PXDNL: variants seen among roughly 807,000 people sequenced by gnomAD.
PXDNL encodes the protein probable oxidoreductase PXDNL.
A neutral mutation model predicts 150.8 loss-of-function variants in PXDNL; 145 were observed. That is an observed-to-expected ratio of 0.96 (90% CI 0.84 to 1.10). PXDNL has a LOEUF of 1.10. Among genes scored for constraint, PXDNL ranks in the 50% least tolerant of loss-of-function variants. The pLI, the probability that PXDNL is intolerant of heterozygous loss-of-function variation, is 0.00. For synonymous variants in PXDNL, 757 were observed against 725.7 expected (o/e 1.04, Z -0.69); for missense variants, 2,087 against 1,873.9 (o/e 1.11, Z -2.10).
intron 3 of PXDNL, among the ~76,000 whole-genome samples, chr8:51,563,563 A>G (rs2130565938): frequency 6.6e-6 from 1 of 152,144 alleles, no homozygotes; most frequent in African/African-American, 2.4e-5. Flanking sequence ...AGAGAAAAGA[A>G]TGAGTAACAG....
chr8:51,469,351 C>T (rs1810273323), intron 8 of PXDNL, among the ~76,000 whole-genome samples: 1 of 151,968 alleles, frequency 6.6e-6, no homozygotes, highest in South Asian at 2.1e-4. Context: ...AATTCTCATT[C>T]TGAAATTTTC....
intron 3 of PXDNL, among the ~76,000 whole-genome samples, chr8:51,557,793 A>C (rs1013961854): frequency 2.0e-5 from 3 of 152,290 alleles, no homozygotes; most frequent in Non-Finnish European, 4.4e-5. Flanking sequence ...CCTGCCTTAA[A>C]GGCCATCAAA....
intron 14 of PXDNL, among the ~76,000 whole-genome samples, chr8:51,422,920 TACAAATGG>T (rs1274156492): frequency 1.3e-5 from 2 of 152,184 alleles, no homozygotes; most frequent in African/African-American, 4.8e-5. Context: ...CAAGTCTGCC[TACAAATGG>T]ACTCTCCCAT....
intron 8 of PXDNL, among the ~76,000 whole-genome samples, chr8:51,469,363 GA>G (rs1810273835): frequency 2.6e-5 from 4 of 152,002 alleles, no homozygotes; most frequent in Middle Eastern, 3.4e-3. Context: ...GAAATTTTCT[GA>G]TTTTTTTATT....
At chr8:51,334,593 GA>G (rs1214805114) in intron 21 of PXDNL, among the ~76,000 whole-genome samples, 1 of 152,114 alleles carries the variant, frequency 6.6e-6, no homozygotes. Flanking sequence ...AAGAAAAGAA[GA>G]GAGAGAATCC....
intron 2 of PXDNL, among the ~76,000 whole-genome samples, chr8:51,650,029 T>A (rs1182847862): frequency 2.1e-5 from 3 of 145,484 alleles, no homozygotes; most frequent in African/African-American, 7.7e-5. Context: ...CTTAAACCCC[T>A]GAGGCAGAGG....
chr8:51,777,875 C>G (rs1033314485), intron 1 of PXDNL, among the ~76,000 whole-genome samples: 1 of 152,074 alleles, frequency 6.6e-6, no homozygotes, highest in African/African-American at 2.4e-5. Flanking sequence ...TGCACTCCAG[C>G]CTGGGAGACA....
At chr8:51,599,007 T>G (rs1813634497) in intron 2 of PXDNL, among the ~76,000 whole-genome samples, 1 of 152,184 alleles carries the variant, frequency 6.6e-6, no homozygotes, top group African/African-American at 2.4e-5. Flanking sequence ...CTCTAGATTT[T>G]CTAGTTTGTG....
intron 4 of PXDNL, among the ~76,000 whole-genome samples, chr8:51,550,774 T>A (rs527580485): frequency 1.1e-3 from 161 of 152,084 alleles, no homozygotes; most frequent in African/African-American, 3.5e-3. Flanking sequence ...GGAGGCTCAC[T>A]TTCACCACTT....
chr8:51,783,115 G>T (rs2037430900), intron 1 of PXDNL, among the ~76,000 whole-genome samples: 1 of 152,154 alleles, frequency 6.6e-6, no homozygotes, highest in Non-Finnish European at 1.5e-5. Context: ...TGTCAAGATG[G>T]GTTAAAAATC....
intron 1 of PXDNL, among the ~76,000 whole-genome samples, chr8:51,685,699 C>T (rs1330788191): frequency 6.6e-6 from 1 of 152,192 alleles, no homozygotes; most frequent in Non-Finnish European, 1.5e-5. Context: ...TCAAAGCACT[C>T]ATCAAATCTG....
At chr8:51,570,330 T>C (rs1812907827) in intron 3 of PXDNL, among the ~76,000 whole-genome samples, 1 of 151,860 alleles carries the variant, frequency 6.6e-6, no homozygotes, top group Non-Finnish European at 1.5e-5. Context: ...GCAGATGAAC[T>C]AGGCTCTTGG....
intron 20 of PXDNL, among the ~76,000 whole-genome samples, chr8:51,345,492 T>C (rs940798846): frequency 2.0e-5 from 3 of 152,202 alleles, no homozygotes. Context: ...ACTATTACCT[T>C]TCTCGCAAAC....
intron 2 of PXDNL, 23 bp downstream of exon 2, chr8:51,654,666 A>G: frequency 6.3e-7 from 1 of 1,584,038 alleles, no homozygotes. Context: ...TAGGAACCTT[A>G]CAGATAAGCA....
chr8:51,613,423 A>C (rs1814060912), intron 2 of PXDNL, among the ~76,000 whole-genome samples: 1 of 136,616 alleles, frequency 7.3e-6, no homozygotes, highest in Non-Finnish European at 1.5e-5. Context: ...AAGAAAGTAC[A>C]CGTGATCACC....
At chr8:51,518,550 G>T (rs1337524473) in intron 4 of PXDNL, among the ~76,000 whole-genome samples, 1 of 152,136 alleles carries the variant, frequency 6.6e-6, no homozygotes, top group East Asian at 1.9e-4. Flanking sequence ...CTTGATTTGT[G>T]TCCTGAGAAA....
At chr8:51,331,435 C>CT (rs1586006290) in intron 21 of PXDNL, among the ~76,000 whole-genome samples, 1 of 152,138 alleles carries the variant, frequency 6.6e-6, no homozygotes, top group East Asian at 1.9e-4. Flanking sequence ...GAAGGACTTC[C>CT]TTAGCTGAAC....
At position 51,340,365 on chromosome 8, in the gene PXDNL, G is replaced by C. The variant is rs115583300; in HGVS notation, c.4017-612C>G. 9.9e-3 allele frequency among the ~76,000 whole-genome samples: 1,499 copies of C among 152,072 alleles called. 24 individuals are homozygous for C. Among genetic ancestry groups the C allele is most frequent in the African/African-American group, 0.035 (1,454 of 41,462 alleles). On this transcript the variant is annotated intron_variant, in intron 20 of 22. Transcript: ENST00000356297. ...AAAACAGAAGCAAATAACTAATTTG[G>C]GAAATAGAAATGAAAGTTCTTTCTA...
chr8:51,744,844 GGAAGGAAA>G (rs1355033962), intron 1 of PXDNL, among the ~76,000 whole-genome samples: 46 of 145,394 alleles, frequency 3.2e-4, no homozygotes, highest in African/African-American at 9.4e-4. Context: ...AGAAAAGGAA[GGAAGGAAA>G]GAAGGAAAGA....
Sources: gnomAD v4.1 joint callset for allele counts (sites outside exome capture counted in the v4.1 genomes callset) on GRCh38, gnomAD v4.1.1 for gene constraint, MANE v1.5 for transcripts, NCBI Gene and HGNC (gene_info 2026-07-23, HGNC 2026-07-21) for gene names.